LSAMP: variants seen among roughly 807,000 people sequenced by gnomAD.
LSAMP encodes limbic system-associated membrane protein.
Under a neutral mutation model 38.6 loss-of-function variants are expected in LSAMP, and 7 were observed. The ratio of observed to expected loss-of-function variants is 0.18; its 90% confidence interval spans 0.10 to 0.34. The LOEUF is 0.34. Ranked by LOEUF, LSAMP falls within the 10% of genes least tolerant of loss-of-function variation. The probability of loss-of-function intolerance (pLI) is 1.00; values close to 1 mark genes in which losing one functional copy is unlikely to be tolerated. For missense variants in LSAMP, 313 were observed against 420.0 expected (o/e 0.75, Z 2.23); for synonymous variants, 154 against 166.8 (o/e 0.92, Z 0.59).
At chr3:116,203,842 A>T (rs532920955) in intron 1 of LSAMP, among the ~76,000 whole-genome samples, 1 of 152,250 alleles carries the variant, frequency 6.6e-6, no homozygotes, top group East Asian at 1.9e-4. Context: ...GCTATTGTGA[A>T]TAATGCCGCA....
At chr3:116,088,863 C>T (rs1708052842) in intron 1 of LSAMP, among the ~76,000 whole-genome samples, 1 of 152,094 alleles carries the variant, frequency 6.6e-6, no homozygotes, top group Non-Finnish European at 1.5e-5. Flanking sequence ...TGGATACCAC[C>T]AATAACTAAT....
intron 1 of LSAMP, among the ~76,000 whole-genome samples, chr3:116,136,426 A>G (rs192671456): frequency 6.6e-6 from 1 of 152,290 alleles, no homozygotes; most frequent in East Asian, 1.9e-4. Flanking sequence ...ACAAAATGCT[A>G]TAACTCTAAT....
chr3:116,048,267 C>A (rs1366999020), intron 2 of LSAMP, among the ~76,000 whole-genome samples: 2 of 152,180 alleles, frequency 1.3e-5, no homozygotes, highest in Non-Finnish European at 2.9e-5. Context: ...TCTTGAATAA[C>A]TTTGTTGTGT....
intron 3 of LSAMP, among the ~76,000 whole-genome samples, chr3:115,948,545 G>A (rs535765000): frequency 1.3e-5 from 2 of 152,238 alleles, no homozygotes; most frequent in South Asian, 4.1e-4. Flanking sequence ...AGTCAACAAT[G>A]AAATCAAGAT....
At chr3:116,055,563 T>G (rs1179789134) in intron 2 of LSAMP, among the ~76,000 whole-genome samples, 1 of 148,392 alleles carries the variant, frequency 6.7e-6, no homozygotes, top group Non-Finnish European at 1.5e-5. Flanking sequence ...CACACAAAAA[T>G]GAAAATGACT....
intron 3 of LSAMP, among the ~76,000 whole-genome samples, chr3:115,865,552 T>G: frequency 6.6e-6 from 1 of 152,186 alleles, no homozygotes; most frequent in East Asian, 1.9e-4. Flanking sequence ...TTATCTCAAA[T>G]TCTGATCAGC....
chr3:116,033,179 T>C (rs553244771), intron 2 of LSAMP, among the ~76,000 whole-genome samples: 2 of 152,278 alleles, frequency 1.3e-5, no homozygotes, highest in Non-Finnish European at 2.9e-5. Flanking sequence ...ACTGCCTGTA[T>C]CACTTCCCTC....
At chr3:115,819,724 G>C (rs1934165884) in intron 6 of LSAMP, among the ~76,000 whole-genome samples, 1 of 152,112 alleles carries the variant, frequency 6.6e-6, no homozygotes, top group Non-Finnish European at 1.5e-5. Flanking sequence ...AAGCAAAACA[G>C]GTTGCCAGTT....
chr3:116,319,043 TG>T (rs10662487), intron 1 of LSAMP, among the ~76,000 whole-genome samples: 2 of 150,358 alleles, frequency 1.3e-5, no homozygotes, highest in East Asian at 2.0e-4. Context: ...TGTATAGAAT[TG>T]GGGGGGTGGG....
At chr3:116,125,890 C>T (rs1055124957) in intron 1 of LSAMP, among the ~76,000 whole-genome samples, 1 of 152,116 alleles carries the variant, frequency 6.6e-6, no homozygotes, top group Admixed American at 6.6e-5. Flanking sequence ...TGTGCCTGGG[C>T]TCATTGCTCT....
At chr3:116,041,507 G>A (rs533689959) in intron 2 of LSAMP, among the ~76,000 whole-genome samples, 4 of 151,550 alleles carry the variant, frequency 2.6e-5, no homozygotes, top group African/African-American at 7.3e-5. Context: ...GTAAATGATT[G>A]AACTGAGTGT....
intron 1 of LSAMP, among the ~76,000 whole-genome samples, chr3:116,138,470 A>G (rs534958739): frequency 6.6e-6 from 1 of 152,174 alleles, no homozygotes; most frequent in South Asian, 2.1e-4. Context: ...GCAATTTTCT[A>G]AAGATTGACG....
intron 1 of LSAMP, among the ~76,000 whole-genome samples, chr3:116,087,406 A>G (rs530154521): frequency 6.6e-6 from 1 of 152,340 alleles, no homozygotes; most frequent in East Asian, 1.9e-4. Flanking sequence ...AAGGAGGGGT[A>G]AATACTTTTT....
At chr3:116,173,185 C>T (rs1308207850) in intron 1 of LSAMP, among the ~76,000 whole-genome samples, 2 of 152,040 alleles carry the variant, frequency 1.3e-5, no homozygotes, top group Non-Finnish European at 2.9e-5. Context: ...GAGTACAGAA[C>T]TGTCATTCAA....
chr3:116,425,542 A>C (rs2049183441), intron 1 of LSAMP, among the ~76,000 whole-genome samples: 1 of 152,180 alleles, frequency 6.6e-6, no homozygotes, highest in South Asian at 2.1e-4. Context: ...TCTTCTTTAA[A>C]ATGCAGAGAA....
intron 1 of LSAMP, among the ~76,000 whole-genome samples, chr3:116,279,827 A>G (rs896519524): frequency 2.0e-5 from 3 of 152,206 alleles, no homozygotes; most frequent in Admixed American, 6.5e-5. Context: ...GAACTCTGCT[A>G]TAAATGATTT....
At chr3:116,310,497 T>C (rs1320096105) in intron 1 of LSAMP, among the ~76,000 whole-genome samples, 1 of 152,188 alleles carries the variant, frequency 6.6e-6, no homozygotes, top group African/African-American at 2.4e-5. Flanking sequence ...CTTTACCTAC[T>C]CACCAGCTGT....
chr3:116,142,652 G>A (rs1709396213), intron 1 of LSAMP, among the ~76,000 whole-genome samples: 1 of 151,962 alleles, frequency 6.6e-6, no homozygotes, highest in Non-Finnish European at 1.5e-5. Context: ...GATAGTTGAA[G>A]ACAGCTCATG....
At chr3:115,810,554 A>G (rs535350936) in intron 6 of LSAMP, 140 bp from the exon 7 acceptor site, 2 of 681,844 alleles carry the variant, frequency 2.9e-6, no homozygotes, top group South Asian at 1.8e-5. Context: ...TGTGCAGCCC[A>G]AGAAGCGCTC....
Sources: gnomAD v4.1 joint callset for allele counts (sites outside exome capture counted in the v4.1 genomes callset) on GRCh38, gnomAD v4.1.1 for gene constraint, MANE v1.5 for transcripts, NCBI Gene and HGNC (gene_info 2026-07-23, HGNC 2026-07-21) for gene names.